CCPG1: variants seen among roughly 807,000 people sequenced by gnomAD.
CCPG1 encodes the protein cell cycle progression protein 1.
CCPG1 carries 46 observed loss-of-function variants against 81.3 expected under a neutral mutation model. The observed-to-expected ratio is 0.57, with a 90% CI of 0.45 to 0.72. CCPG1 has a LOEUF of 0.72. CCPG1 is among the 30% of genes least tolerant of loss of function. The probability of loss-of-function intolerance (pLI) is 0.00; values close to 1 mark genes in which losing one functional copy is unlikely to be tolerated. For missense variants in CCPG1, 902 were observed against 937.6 expected, an observed-to-expected ratio of 0.96 and a Z score of 0.50; for synonymous variants, 330 against 305.2, an observed-to-expected ratio of 1.08 and a Z score of -0.85.
chr15:55,358,439 G>A (rs1359849811), intron 8 of CCPG1: 1 of 985,202 alleles, frequency 1.0e-6, no homozygotes, highest in Non-Finnish European at 1.2e-6. Context: ...TGTCCTACAG[G>A]ACAAAACCTT....
intron 6 of CCPG1, among the ~76,000 whole-genome samples, chr15:55,370,032 T>A (rs1318818856): frequency 6.6e-6 from 1 of 152,140 alleles, no homozygotes; most frequent in Non-Finnish European, 1.5e-5. Context: ...TCAAATCTTA[T>A]TACAACAAAT....
intron 7 of CCPG1, among the ~76,000 whole-genome samples, chr15:55,362,287 A>C (rs1013437594): frequency 5.3e-5 from 8 of 151,568 alleles, no homozygotes; most frequent in African/African-American, 1.9e-4. Flanking sequence ...TGGTTACCCC[A>C]TTTGAGTCAG....
chr15:55,356,686 A>T (rs1428748241), intron 8 of CCPG1: 6 of 1,128,002 alleles, frequency 5.3e-6, no homozygotes, highest in Non-Finnish European at 6.5e-6. Context: ...AAATAATGAG[A>T]TGTGTTTCCA....
intron 6 of CCPG1, among the ~76,000 whole-genome samples, chr15:55,367,949 C>G (rs919013020): frequency 5.3e-5 from 8 of 152,150 alleles, no homozygotes; most frequent in African/African-American, 1.7e-4. Flanking sequence ...TCCACACCAG[C>G]AAAAAGTTCC....
intron 7 of CCPG1, among the ~76,000 whole-genome samples, chr15:55,364,893 A>G (rs1443672332): frequency 1.3e-5 from 2 of 152,196 alleles, no homozygotes; most frequent in Non-Finnish European, 2.9e-5. Context: ...ACAAACAAAC[A>G]AAAACAAACT....
intron 7 of CCPG1, among the ~76,000 whole-genome samples, chr15:55,363,860 A>G (rs1157230048): frequency 1.5e-5 from 2 of 131,972 alleles, no homozygotes; most frequent in African/African-American, 6.0e-5. Flanking sequence ...CCGGAGTGCA[A>G]TAGTGTGATC....
intron 7 of CCPG1, 86 bp from the exon 8 acceptor site, chr15:55,361,030 G>A: frequency 5.9e-6 from 8 of 1,356,484 alleles, no homozygotes; most frequent in Non-Finnish European, 7.7e-6. Context: ...TACCCCATAA[G>A]CTTTTGTGTC....
chr15:55,373,127 C>A, intron 5 of CCPG1: 1 of 443,170 alleles, frequency 2.3e-6, no homozygotes. Flanking sequence ...CAAGAAATCC[C>A]AAGTCCAGGA....
At chr15:55,397,794 T>C (rs566975915) in intron 1 of CCPG1, among the ~76,000 whole-genome samples, 8 of 152,218 alleles carry the variant, frequency 5.3e-5, no homozygotes, top group African/African-American at 1.9e-4. Context: ...CTGACCAACA[T>C]GGTGAAACCC....
At chr15:55,367,193 T>C (rs555818983) in intron 6 of CCPG1, among the ~76,000 whole-genome samples, 1 of 152,176 alleles carries the variant, frequency 6.6e-6, no homozygotes, top group Non-Finnish European at 1.5e-5. Flanking sequence ...GAATCCCAGA[T>C]TTTTTTCAAA....
At chr15:55,357,161 C>T in intron 8 of CCPG1, 1 of 945,774 alleles carries the variant, frequency 1.1e-6, no homozygotes, top group Non-Finnish European at 1.3e-6. Flanking sequence ...TCAGTAGTTA[C>T]CTCCAAACAC....
intron 6 of CCPG1, among the ~76,000 whole-genome samples, chr15:55,371,121 A>G (rs1359735463): frequency 6.6e-6 from 1 of 152,212 alleles, no homozygotes; most frequent in African/African-American, 2.4e-5. Context: ...TCCAAAAAAC[A>G]AAGGAGAGAG....
chr15:55,366,785 T>G (rs1478177559), intron 6 of CCPG1, among the ~76,000 whole-genome samples: 6 of 152,090 alleles, frequency 3.9e-5, no homozygotes, highest in African/African-American at 1.4e-4. Flanking sequence ...AAAAAGAATC[T>G]TAAACCAACT....
intron 3 of CCPG1, among the ~76,000 whole-genome samples, chr15:55,383,204 C>T (rs2056735854): frequency 6.6e-6 from 1 of 152,188 alleles, no homozygotes; most frequent in Admixed American, 6.5e-5. Flanking sequence ...TCCATCAGAG[C>T]CCTTCGGTGA....
chr15:55,392,442 C>T (rs1283650941), intron 1 of CCPG1, among the ~76,000 whole-genome samples: 1 of 151,532 alleles, frequency 6.6e-6, no homozygotes, highest in Non-Finnish European at 1.5e-5. Flanking sequence ...GATTCTCCAT[C>T]TCCTGACATC....
At position 55,359,766 on chromosome 15, in the gene CCPG1, A is replaced by G. The variant is rs2056152582; in HGVS notation, c.2007T>C (p.Asp669=). 6.2e-7 allele frequency: 1 copy of G among 1,613,488 alleles called. No individual in the cohort carries two copies. Among genetic ancestry groups the G allele is most frequent in the South Asian group, 1.1e-5 (1 of 91,068 alleles). ...CAAGTTCGTTCCAGTGACAAAAAGT[A>G]TCCAGTTCTTTTAACATGTACCTTT... ...IIQRYMLKEL[D]TFCHWNELDQ... is the part of the protein sequence containing the mutation. The change falls in exon 8 of 9, where the codon GAT becomes GAC. Residue 669 remains aspartate, a synonymous_variant. Coordinates refer to ENST00000442196, the MANE Select transcript of CCPG1 (RefSeq NM_001204450.2).
At chr15:55,395,639 C>T (rs1308836100) in intron 1 of CCPG1, among the ~76,000 whole-genome samples, 1 of 152,028 alleles carries the variant, frequency 6.6e-6, no homozygotes, top group Non-Finnish European at 1.5e-5. Flanking sequence ...TCTCAGCTAA[C>T]GGTTCATTTC....
At chr15:55,375,737 G>C (rs1435570623) in intron 5 of CCPG1, among the ~76,000 whole-genome samples, 1 of 150,528 alleles carries the variant, frequency 6.6e-6, no homozygotes, top group Non-Finnish European at 1.5e-5. Flanking sequence ...ACCCAGGTTG[G>C]CAATCTGGGT....
intron 1 of CCPG1, among the ~76,000 whole-genome samples, chr15:55,392,983 A>T (rs2056950997): frequency 6.6e-6 from 1 of 152,204 alleles, no homozygotes; most frequent in Non-Finnish European, 1.5e-5. Context: ...AAGCACCTGT[A>T]ATCCCAGCTA....
Sources: allele counts gnomAD v4.1 joint callset (sites outside exome capture counted in the v4.1 genomes callset), GRCh38; gene constraint gnomAD v4.1.1; transcripts MANE v1.5; gene names NCBI Gene and HGNC (gene_info 2026-07-23, HGNC 2026-07-21).